The following DIAPH1 variants were observed in gnomAD, a reference collection of about 807,000 sequenced individuals.
DIAPH1 encodes protein diaphanous homolog 1.
DIAPH1 carries 46 observed loss-of-function variants against 140.7 expected under a neutral mutation model. The ratio of observed to expected loss-of-function variants is 0.33; its 90% CI spans 0.26 to 0.42. The LOEUF is 0.42. DIAPH1 is among the 10% of genes least tolerant of loss of function. The pLI, the probability that DIAPH1 is intolerant of heterozygous loss-of-function variation, is 1.00. For missense variants in DIAPH1, 1,310 were observed against 1,558.7 expected (o/e 0.84, Z 2.69); for synonymous variants, 565 against 551.6 (o/e 1.02, Z -0.34).
intron 25 of DIAPH1, 56 bp downstream of exon 25, chr5:141,526,241 A>AG: frequency 1.2e-6 from 2 of 1,614,160 alleles, no homozygotes; most frequent in Non-Finnish European, 1.7e-6. Context: ...ACAGGAACCC[A>AG]GGGGAAAGTG....
Position 141,527,709 on chromosome 5 carries a change from A to AG in DIAPH1, c.3149-13_3149-12insC. On this transcript the variant is annotated splice_polypyrimidine_tract_variant and intron_variant, in intron 23 of 27. Coordinates refer to ENST00000389054, the MANE Select transcript of DIAPH1 (RefSeq NM_005219.5). Reference sequence around the variant, plus strand: ...GTTTTCAGCAGAAACTAAAAAAAAAAAAAAAAAAAAAAACCATAAAAACAG... The same window carrying AG: ...GTTTTCAGCAGAAACTAAAAAAAAAAGAAAAAAAAAAAAACCATAAAAACAG... 2 of 1,566,166 alleles carry AG rather than the reference A, an allele frequency of 1.3e-6. No individual in the cohort carries two copies. Among genetic ancestry groups the AG allele is most frequent in the African/African-American group, 1.4e-5 (1 of 72,304 alleles).
intron 18 of DIAPH1, among the ~76,000 whole-genome samples, chr5:141,568,529 C>A (rs2099894699): frequency 6.6e-6 from 1 of 152,130 alleles, no homozygotes; most frequent in Non-Finnish European, 1.5e-5. Flanking sequence ...GACACTAATC[C>A]TTAAAAGAGA....
intron 1 of DIAPH1, among the ~76,000 whole-genome samples, chr5:141,605,907 G>A (rs969610188): frequency 6.6e-6 from 1 of 152,088 alleles, no homozygotes; most frequent in African/African-American, 2.4e-5. Flanking sequence ...GTAACGAACA[G>A]CCCTGGCGGA....
intron 11 of DIAPH1, chr5:141,577,879 G>A (rs1019560325): frequency 2.0e-6 from 1 of 498,016 alleles, no homozygotes; most frequent in Non-Finnish European, 3.6e-6. Context: ...GTCACTTACT[G>A]AAAATATTAA....
At chr5:141,615,347 C>T (rs2099902501) in intron 1 of DIAPH1, among the ~76,000 whole-genome samples, 1 of 148,488 alleles carries the variant, frequency 6.7e-6, no homozygotes, top group Non-Finnish European at 1.5e-5. Flanking sequence ...GCAGGAGAAT[C>T]GCTTGAACCC....
chr5:141,577,007 G>A, intron 12 of DIAPH1, 136 bp from the exon 13 acceptor site: 1 of 677,288 alleles, frequency 1.5e-6, no homozygotes, highest in Non-Finnish European at 2.7e-6. Context: ...CACAAGTATT[G>A]CTGCCATGCT....
chr5:141,587,503 G>C, intron 2 of DIAPH1: 1 of 380,350 alleles, frequency 2.6e-6, no homozygotes, highest in Non-Finnish European at 4.9e-6. Context: ...GTAGTAGTAC[G>C]GAACTGAAAG....
At chr5:141,606,266 A>G (rs1213630464) in intron 1 of DIAPH1, among the ~76,000 whole-genome samples, 1 of 152,208 alleles carries the variant, frequency 6.6e-6, no homozygotes, top group Non-Finnish European at 1.5e-5. Flanking sequence ...TTAATACTCA[A>G]TGTAAACCTT....
chr5:141,601,936 C>A (rs2099900200), intron 1 of DIAPH1, among the ~76,000 whole-genome samples: 1 of 152,056 alleles, frequency 6.6e-6, no homozygotes, highest in Non-Finnish European at 1.5e-5. Context: ...GGACAATAAG[C>A]CCTCAATAAT....
intron 27 of DIAPH1, among the ~76,000 whole-genome samples, chr5:141,522,265 C>G (rs921868084): frequency 1.3e-5 from 2 of 152,170 alleles, no homozygotes; most frequent in Non-Finnish European, 2.9e-5. Context: ...GTCATTTCAC[C>G]TACTTTCCAA....
At chr5:141,593,925 G>C (rs1006149062) in intron 1 of DIAPH1, among the ~76,000 whole-genome samples, 7 of 152,046 alleles carry the variant, frequency 4.6e-5, no homozygotes, top group African/African-American at 1.4e-4. Context: ...CAAGCCTCCC[G>C]AGTAGCTGGG....
rs372035027 is a variant in DIAPH1 at position 141,584,056 on chromosome 5, C to CA, written c.402+67dup. The CA allele has an allele frequency of 0.031, 23,098 of 756,312 alleles. 33 individuals are homozygous for CA. The highest frequency in any genetic ancestry group is 0.038 in the African/African-American group (2,071 of 54,978). The allele number at this position is 756,312 out of a possible 1,614,324, so 46.9% of individuals were successfully genotyped here. A position where few individuals can be genotyped will look rare whatever the true frequency, so the allele number is the denominator to read the frequency against. ...GACATAAAATGTTACATAAAATTGG[C>CA]AAAAAAAAAACAGGTCCAAGACAAG... On this transcript the variant is annotated intron_variant, in intron 4 of 27. Coordinates refer to ENST00000389054, the MANE Select transcript of DIAPH1 (RefSeq NM_005219.5).
At chr5:141,549,404 T>C (rs1447974971) in intron 18 of DIAPH1, among the ~76,000 whole-genome samples, 6 of 152,052 alleles carry the variant, frequency 3.9e-5, no homozygotes, top group African/African-American at 9.7e-5. Context: ...AAGTTAAAAA[T>C]TGAGTGAACT....
intron 7 of DIAPH1, chr5:141,582,089 AGAG>A: frequency 2.0e-5 from 6 of 303,320 alleles, no homozygotes; most frequent in South Asian, 8.8e-5. Flanking sequence ...AAAAAAAAAG[AGAG>A]AGAAACAAAA....
rs77509664 is a variant in DIAPH1 at position 141,617,503 on chromosome 5, T to A, written c.117+1295A>T. 8.7e-3 allele frequency among the ~76,000 whole-genome samples: 1,327 copies of A among 152,334 alleles called. 24 individuals are homozygous for A. Among genetic ancestry groups the A allele is most frequent in the African/African-American group, 0.031 (1,273 of 41,576 alleles). ...AGGTCATAAAACAACATTTTCTTCC[T>A]GTTTCCATCGCTTTATCAGTTTTCT... On this transcript the variant is annotated intron_variant, in intron 1 of 27. Transcript: ENST00000389054.
intron 18 of DIAPH1, 111 bp downstream of exon 18, chr5:141,571,317 C>T: frequency 1.1e-6 from 1 of 931,110 alleles, no homozygotes; most frequent in Non-Finnish European, 1.6e-6. Context: ...AAAGACAAGT[C>T]AACCCTCAAT....
intron 7 of DIAPH1, 141 bp downstream of exon 7, chr5:141,582,171 C>T: frequency 1.5e-6 from 1 of 655,788 alleles, no homozygotes; most frequent in Non-Finnish European, 2.8e-6. Context: ...GTATATGTGG[C>T]AATGAAAAAC....
intron 18 of DIAPH1, among the ~76,000 whole-genome samples, chr5:141,554,159 C>T (rs1014539568): frequency 1.3e-5 from 2 of 151,970 alleles, no homozygotes; most frequent in African/African-American, 4.8e-5. Context: ...TGCTTGTAAT[C>T]CCAGCTACTC....
rs188484079 is a variant in DIAPH1 at position 141,608,017 on chromosome 5, G to A, written c.117+10781C>T. 3.0e-3 allele frequency among the ~76,000 whole-genome samples: 462 copies of A among 152,354 alleles called. 1 individual carries two copies. Among genetic ancestry groups the A allele is most frequent in the Non-Finnish European group, 4.8e-3 (326 of 68,034 alleles). On this transcript the variant is annotated intron_variant, in intron 1 of 27. Transcript: ENST00000389054. Reference sequence around the variant, plus strand: ...CTTAGAGTTCACATGGTTAATTAGTGGTAAAGACACAACTAAGCAGCTACA... The same window carrying A: ...CTTAGAGTTCACATGGTTAATTAGTAGTAAAGACACAACTAAGCAGCTACA...
Sources: gnomAD v4.1 joint callset for allele counts (sites outside exome capture counted in the v4.1 genomes callset) on GRCh38, gnomAD v4.1.1 for gene constraint, MANE v1.5 for transcripts, NCBI Gene and HGNC (gene_info 2026-07-23, HGNC 2026-07-21) for gene names.